CBR4: variants seen among roughly 807,000 people sequenced by gnomAD.
The protein encoded by CBR4 is carbonyl reductase 4.
A neutral mutation model predicts 21.0 loss-of-function variants in CBR4; 22 were observed. The ratio of observed to expected loss-of-function variants is 1.05; its 90% CI spans 0.75 to 1.50. The LOEUF (loss-of-function observed/expected upper bound fraction) is 1.50. Among genes scored for constraint, CBR4 ranks in the 40% most tolerant of loss-of-function variants. The pLI is 0.00. For synonymous variants in CBR4, 100 were observed against 104.4 expected (o/e 0.96, Z 0.26); for missense variants, 302 against 286.3 (o/e 1.05, Z -0.40).
chr4:168,916,162 C>T, intron 2 of CBR4: 2 of 895,520 alleles, frequency 2.2e-6, no homozygotes, highest in South Asian at 1.3e-5. Context: ...CCTATAATCC[C>T]AGCACTTTAG....
chr4:168,957,266 A>G (rs35117578), intron 2 of CBR4, among the ~76,000 whole-genome samples: 4,768 of 152,196 alleles, frequency 0.031, 174 homozygotes, highest in Admixed American at 0.12. Flanking sequence ...TGATTTACTT[A>G]CTCTTGAAGA....
At chr4:168,983,700 G>A (rs1764606439), downstream of CBR4, among the ~76,000 whole-genome samples, 1 of 151,982 alleles carries the variant, frequency 6.6e-6, no homozygotes, top group Admixed American at 6.6e-5. Flanking sequence ...ACATGAAAAA[G>A]CTAATCCACC....
chr4:168,900,137 A>C (rs1186362438), intron 2 of CBR4, among the ~76,000 whole-genome samples: 2 of 152,146 alleles, frequency 1.3e-5, no homozygotes. Flanking sequence ...CATGTGAACT[A>C]ATTGAGCAAG....
intron 2 of CBR4, among the ~76,000 whole-genome samples, chr4:168,959,565 T>TTTC (rs1560964112): frequency 1.4e-3 from 17 of 11,914 alleles, no homozygotes; most frequent in African/African-American, 3.3e-3. Context: ...CAATTTCTTT[T>TTTC]TTTTTTTTTT....
intron 2 of CBR4, among the ~76,000 whole-genome samples, chr4:168,941,300 T>C (rs1763257591): frequency 6.6e-6 from 1 of 152,130 alleles, no homozygotes; most frequent in Non-Finnish European, 1.5e-5. Context: ...CGTTCTGATG[T>C]ATCCCAGAAT....
intron 2 of CBR4, among the ~76,000 whole-genome samples, chr4:168,954,558 A>G (rs1763631542): frequency 6.6e-6 from 1 of 152,240 alleles, no homozygotes; most frequent in Non-Finnish European, 1.5e-5. Flanking sequence ...TTTCAACATG[A>G]GTTTTGGAGG....
intron 2 of CBR4, among the ~76,000 whole-genome samples, chr4:168,931,376 T>C (rs1762965453): frequency 6.6e-6 from 1 of 151,014 alleles, no homozygotes; most frequent in South Asian, 2.1e-4. Context: ...AATCCCAGCA[T>C]ACATGTCCCT....
chr4:168,904,112 T>C (rs1402777945), intron 2 of CBR4: 2 of 577,006 alleles, frequency 3.5e-6, no homozygotes, highest in Non-Finnish European at 6.2e-6. Flanking sequence ...GGTGTTATTC[T>C]ACTCCTTCCA....
intron 2 of CBR4, among the ~76,000 whole-genome samples, chr4:168,976,657 ACAAAG>A (rs774848733): frequency 6.6e-5 from 10 of 152,244 alleles, no homozygotes; most frequent in Non-Finnish European, 1.5e-4. Context: ...GGAAGATATT[ACAAAG>A]CATCTTCTCA....
intron 2 of CBR4, among the ~76,000 whole-genome samples, chr4:168,968,905 G>T (rs1764122852): frequency 6.6e-6 from 1 of 152,018 alleles, no homozygotes; most frequent in Non-Finnish European, 1.5e-5. Flanking sequence ...TGATGGTTCT[G>T]CCTGTTATTA....
intron 2 of CBR4, among the ~76,000 whole-genome samples, chr4:168,951,971 G>A (rs1166229420): frequency 6.6e-6 from 1 of 152,170 alleles, no homozygotes; most frequent in African/African-American, 2.4e-5. Context: ...CTCTAGCAAG[G>A]CTGGGGAAGT....
chr4:168,911,865 G>A (rs778188246), intron 2 of CBR4, among the ~76,000 whole-genome samples: 19 of 152,242 alleles, frequency 1.2e-4, no homozygotes, highest in East Asian at 3.9e-4. Flanking sequence ...AGCAAACACC[G>A]TGAATGCCAG....
intron 4 of CBR4, among the ~76,000 whole-genome samples, chr4:169,000,895 G>C (rs770047715): frequency 6.6e-6 from 1 of 152,154 alleles, no homozygotes; most frequent in Non-Finnish European, 1.5e-5. Flanking sequence ...GTTCCAGATA[G>C]TTTAGACAGA....
intron 2 of CBR4, among the ~76,000 whole-genome samples, chr4:168,909,061 CAT>C (rs998961373): frequency 6.6e-6 from 1 of 152,150 alleles, no homozygotes; most frequent in Non-Finnish European, 1.5e-5. Flanking sequence ...AAAGCAATCA[CAT>C]AGTTTAGCAA....
In CBR4 at chr4:168,988,893, A is replaced by G. The variant is rs1764786638; in HGVS notation, c.*1257T>C. ...TTGCACTGACTTTCAATATAAAATT[A>G]AATCTCTGCTTACACAAAATAACTG... On this transcript the variant is annotated 3_prime_UTR_variant, in exon 5 of 5. Transcript: ENST00000306193. The G allele has an allele frequency of 1.0e-6, 1 of 978,212 alleles. No homozygotes were observed. The highest frequency in any genetic ancestry group is 1.8e-5 in the African/African-American group (1 of 57,102). The allele number at this position is 978,212 out of a possible 1,614,324, so 60.6% of individuals were successfully genotyped here.
chr4:168,984,112 A>G (rs1764617039), downstream of CBR4, among the ~76,000 whole-genome samples: 1 of 152,108 alleles, frequency 6.6e-6, no homozygotes, highest in African/African-American at 2.4e-5. Context: ...GAGGGGAAGT[A>G]AAATGATCTC....
intron 2 of CBR4, chr4:168,925,175 T>A: frequency 6.4e-7 from 1 of 1,573,666 alleles, no homozygotes; most frequent in Non-Finnish European, 8.7e-7. Context: ...TATAAACAAC[T>A]ATTGTGTTTT....
intron 2 of CBR4, among the ~76,000 whole-genome samples, chr4:168,900,084 G>A (rs530126266): frequency 1.2e-4 from 18 of 152,294 alleles, no homozygotes; most frequent in Non-Finnish European, 4.4e-5. Context: ...AGGAGCAACA[G>A]AGAGAAGTGG....
rs1762579601 is a variant in CBR4, at chr4:168,926,362, T to A, written n.170-31597A>T. 3 of 1,537,260 alleles carry A rather than the reference T, an allele frequency of 2.0e-6. No individual in the cohort carries two copies. The highest frequency in any genetic ancestry group is 1.7e-4 in the Middle Eastern group (1 of 5,994). ...ATCTCACCTGACACTGAATACTGCC[T>A]TGGTAGAAAGTGAGGACCTGTAATC... On this transcript the variant is annotated intron_variant and non_coding_transcript_variant, in intron 2 of 3. Coordinates refer to the CBR4 transcript ENST00000509108.
Sources: allele counts gnomAD v4.1 joint callset (sites outside exome capture counted in the v4.1 genomes callset), GRCh38; gene constraint gnomAD v4.1.1; transcripts MANE v1.5; gene names NCBI Gene and HGNC (gene_info 2026-07-23, HGNC 2026-07-21).